RIMS2: variants seen among roughly 807,000 people sequenced by gnomAD.
RIMS2 encodes regulating synaptic membrane exocytosis protein 2.
In RIMS2, 59 loss-of-function variants were observed where a neutral mutation model predicts 174.4. The observed-to-expected ratio is 0.34, with a 90% confidence interval of 0.27 to 0.42. The LOEUF (loss-of-function observed/expected upper bound fraction) is 0.42, where lower values mean the gene tolerates loss of function less well. Among genes scored for constraint, RIMS2 ranks in the 10% least tolerant of loss-of-function variants. The pLI is 1.00. For missense variants in RIMS2, 1,620 were observed against 1,666.3 expected (o/e 0.97, Z 0.48); for synonymous variants, 606 against 572.5 (o/e 1.06, Z -0.84).
intron 14 of RIMS2, among the ~76,000 whole-genome samples, chr8:103,958,594 C>T (rs1393156837): frequency 2.6e-5 from 4 of 151,994 alleles, no homozygotes; most frequent in Admixed American, 2.6e-4. Context: ...TGAAAAAATG[C>T]TATTCATAAA....
intron 19 of RIMS2, among the ~76,000 whole-genome samples, chr8:104,019,931 A>G (rs1230104371): frequency 6.6e-6 from 1 of 152,120 alleles, no homozygotes; most frequent in Non-Finnish European, 1.5e-5. Context: ...GCAATAGTTA[A>G]TATCACTTTT....
intron 15 of RIMS2, among the ~76,000 whole-genome samples, chr8:103,969,630 A>G (rs1368537581): frequency 1.3e-5 from 2 of 152,184 alleles, no homozygotes; most frequent in South Asian, 2.1e-4. Context: ...AGCCCTTTGT[A>G]TATTAATCAT....
chr8:103,910,164 C>G, exon 5 of RIMS2: 2 of 1,611,602 alleles, frequency 1.2e-6, no homozygotes. Context: ...TTGGATCATA[C>G]GTCTTGGCAT....
chr8:104,177,588 G>T (rs984501969), intron 19 of RIMS2, among the ~76,000 whole-genome samples: 1 of 151,886 alleles, frequency 6.6e-6, no homozygotes, highest in Admixed American at 6.6e-5. Context: ...TCTTCAAATC[G>T]ATCACATAGG....
At chr8:103,943,891 A>T (rs1050758905) in intron 14 of RIMS2, among the ~76,000 whole-genome samples, 8 of 152,174 alleles carry the variant, frequency 5.3e-5, no homozygotes, top group Admixed American at 5.2e-4. Flanking sequence ...CACAAATGCC[A>T]TGTCATTTAT....
intron 17 of RIMS2, among the ~76,000 whole-genome samples, chr8:104,004,767 C>T (rs560907969): frequency 6.6e-5 from 10 of 152,122 alleles, no homozygotes; most frequent in African/African-American, 2.4e-4. Flanking sequence ...GGTCATCAGA[C>T]TAAACACACA....
chr8:103,683,525 A>G (rs1347535463), intron 1 of RIMS2, among the ~76,000 whole-genome samples: 1 of 152,178 alleles, frequency 6.6e-6, no homozygotes. Context: ...TTTGGCAGGG[A>G]CGTTCAAACC....
intron 3 of RIMS2, among the ~76,000 whole-genome samples, chr8:103,860,168 A>ATAC (rs1369196069): frequency 6.6e-6 from 1 of 152,122 alleles, no homozygotes; most frequent in Non-Finnish European, 1.5e-5. Context: ...AAAAATAATA[A>ATAC]TATTCTCAAA....
rs1445391075 is a variant in RIMS2, at chr8:103,860,705, A to T, written c.699-24593A>T. 2.0e-5 allele frequency among the ~76,000 whole-genome samples: 3 copies of T among 152,078 alleles called. No individual in the cohort carries two copies. The East Asian group carries it at 5.8e-4, about 29-fold the overall frequency. ...AAAAGTATGTGGGAAAATATGACAA[A>T]TTTTTCTTAATTCAACATTTCTTCT... On this transcript the variant is annotated intron_variant, in intron 3 of 23. Coordinates refer to ENST00000504942, the Ensembl canonical transcript of RIMS2.
At chr8:103,521,070 G>C (rs923950737) in intron 1 of RIMS2, among the ~76,000 whole-genome samples, 1 of 149,020 alleles carries the variant, frequency 6.7e-6, no homozygotes, top group African/African-American at 2.5e-5. Context: ...TCACTCATAG[G>C]TGGGAATTGA....
intron 19 of RIMS2, among the ~76,000 whole-genome samples, chr8:104,238,016 A>G (rs2099267424): frequency 6.6e-6 from 1 of 152,000 alleles, no homozygotes; most frequent in South Asian, 2.1e-4. Flanking sequence ...GCCGATGGGC[A>G]CTATTTACAA....
intron 19 of RIMS2, among the ~76,000 whole-genome samples, chr8:104,166,367 G>A (rs1297526344): frequency 6.6e-6 from 1 of 151,964 alleles, no homozygotes; most frequent in African/African-American, 2.4e-5. Flanking sequence ...GGCCCGGCCT[G>A]GATGACTTCT....
intron 1 of RIMS2, among the ~76,000 whole-genome samples, chr8:103,622,595 G>A (rs1161294499): frequency 6.6e-6 from 1 of 152,106 alleles, no homozygotes; most frequent in Non-Finnish European, 1.5e-5. Flanking sequence ...CATAGATTCA[G>A]CAATCTCATA....
intron 3 of RIMS2, among the ~76,000 whole-genome samples, chr8:103,807,525 G>T (rs1254583777): frequency 6.6e-6 from 1 of 152,090 alleles, no homozygotes; most frequent in Non-Finnish European, 1.5e-5. Flanking sequence ...GAAAAATGGG[G>T]TAGTACCTGG....
chr8:103,534,235 C>T (rs1838755612), intron 1 of RIMS2, among the ~76,000 whole-genome samples: 1 of 152,172 alleles, frequency 6.6e-6, no homozygotes, highest in Admixed American at 6.5e-5. Flanking sequence ...TAATTTCAAG[C>T]TACTTTATAT....
At chr8:103,897,870 G>A (rs1200602329) in intron 4 of RIMS2, among the ~76,000 whole-genome samples, 3 of 151,650 alleles carry the variant, frequency 2.0e-5, no homozygotes, top group Non-Finnish European at 4.4e-5. Flanking sequence ...CCAAGTGGCA[G>A]GGTTGGACTT....
intron 19 of RIMS2, among the ~76,000 whole-genome samples, chr8:104,197,684 G>A (rs983057351): frequency 3.3e-5 from 5 of 152,146 alleles, no homozygotes; most frequent in African/African-American, 1.2e-4. Flanking sequence ...GATTTTGCGA[G>A]GGTGGTTTAA....
rs181339465 is a variant in RIMS2, at chr8:103,762,771, C to G, written c.388-3456C>G. Among the ~76,000 whole-genome samples, 3 of 152,168 alleles carry G rather than the reference C, an allele frequency of 2.0e-5. No homozygotes were observed. In the East Asian group the frequency reaches 5.8e-4, roughly 29 times the overall value. ...GCTAACATCATGGAGTGTACTTAAA[C>G]AAATCTAGATGGTATAGCCTTCTAC... On this transcript the variant is annotated intron_variant, in intron 2 of 23. Transcript: ENST00000504942.
chr8:103,911,793 G>A (rs995910430), intron 5 of RIMS2, among the ~76,000 whole-genome samples: 1 of 151,996 alleles, frequency 6.6e-6, no homozygotes, highest in Non-Finnish European at 1.5e-5. Flanking sequence ...TATAACTTCA[G>A]TATTGTGTTA....
Sources: gnomAD v4.1 joint callset for allele counts (sites outside exome capture counted in the v4.1 genomes callset) on GRCh38, gnomAD v4.1.1 for gene constraint, MANE v1.5 for transcripts, NCBI Gene and HGNC (gene_info 2026-07-23, HGNC 2026-07-21) for gene names.